Variants in LRRFIP2 observed in about 807,000 individuals in gnomAD.
The protein encoded by LRRFIP2 is leucine-rich repeat flightless-interacting protein 2.
LRRFIP2 carries 109 observed loss-of-function variants against 125.9 expected under a neutral mutation model. The ratio of observed to expected loss-of-function variants is 0.87; its 90% CI spans 0.74 to 1.01. The LOEUF (loss-of-function observed/expected upper bound fraction) is 1.01, where lower values mean the gene tolerates loss of function less well. Among genes scored for constraint, LRRFIP2 ranks in the 50% least tolerant of loss-of-function variants. The pLI, the probability that LRRFIP2 is intolerant of heterozygous loss-of-function variation, is 0.00. For missense variants in LRRFIP2, 850 were observed against 862.3 expected (o/e 0.99, Z 0.18); for synonymous variants, 291 against 293.1 (o/e 0.99, Z 0.07).
chr3:37,125,373 T>A lies in LRRFIP2; in HGVS notation c.228+2257A>T, dbSNP rs183138286. On this transcript the variant is annotated intron_variant, in intron 4 of 27. Coordinates refer to ENST00000336686, the MANE Select transcript of LRRFIP2 (RefSeq NM_006309.4). ...TTTAAAAATAGAATCATTGGGTTCA[T>A]GGAAAGTTGACTAAACTAACACTAA... Among the ~76,000 whole-genome samples, 40 of 152,336 alleles carry A rather than the reference T, an allele frequency of 2.6e-4. No individual in the cohort carries two copies. The East Asian group carries it at 7.7e-3, about 29-fold the overall frequency.
At chr3:37,083,500 G>C (rs2092805016) in intron 19 of LRRFIP2, 136 bp downstream of exon 19, 1 of 541,764 alleles carries the variant, frequency 1.8e-6, no homozygotes, top group Admixed American at 3.9e-5. Flanking sequence ...ATCTCATGGT[G>C]TTCTGTCAAT....
chr3:37,162,997 A>C (rs1009372982), intron 1 of LRRFIP2, among the ~76,000 whole-genome samples: 1 of 152,260 alleles, frequency 6.6e-6, no homozygotes, highest in African/African-American at 2.4e-5. Flanking sequence ...AAGCAAAACC[A>C]CATAGAGCAA....
chr3:37,075,047 G>A lies in LRRFIP2; in HGVS notation c.1348C>T (p.Arg450Trp), dbSNP rs144038552. 108 of 1,611,738 alleles carry A rather than the reference G, an allele frequency of 6.7e-5. No homozygotes were observed. In the Admixed American group the frequency reaches 8.7e-4, roughly 13 times the overall value. Residue 450 changes from arginine (R) to tryptophan (W), a missense_variant, in exon 20 of 28, where the codon CGG (arginine) becomes TGG (tryptophan). Transcript: ENST00000336686. ...ACCTCAATAAGCTCATCTCTTTGCC[G>A]CAGGCCTTCTTTAAGTTCTTCCATC... ...HKMEELKEGL[R>W]QRDELIEEKQ...
intron 14 of LRRFIP2, among the ~76,000 whole-genome samples, chr3:37,103,536 C>T (rs950178169): frequency 2.0e-5 from 3 of 152,088 alleles, no homozygotes; most frequent in South Asian, 4.1e-4. Context: ...TAAACTATAC[C>T]GGCCTCTTTT....
intron 19 of LRRFIP2, 42 bp from the exon 20 acceptor site, chr3:37,075,158 C>T (rs1213339354): frequency 1.4e-6 from 2 of 1,419,690 alleles, no homozygotes; most frequent in East Asian, 2.3e-5. Flanking sequence ...GGTCATGGCA[C>T]ACAAGAAATT....
chr3:37,091,429 T>C (rs761087132), intron 18 of LRRFIP2, 38 bp downstream of exon 18: 39 of 1,549,252 alleles, frequency 2.5e-5, no homozygotes, highest in Non-Finnish European at 3.2e-5. Flanking sequence ...CACTTCTGCA[T>C]ACAGAGCATG....
chr3:37,103,947 AT>A (rs199612650), intron 14 of LRRFIP2, among the ~76,000 whole-genome samples: 155 of 151,462 alleles, frequency 1.0e-3, no homozygotes, highest in African/African-American at 2.7e-3. Flanking sequence ...AAAATAAGTG[AT>A]TTTTTTTTAA....
chr3:37,090,078 C>T (rs1468962633), intron 18 of LRRFIP2, among the ~76,000 whole-genome samples: 1 of 152,132 alleles, frequency 6.6e-6, no homozygotes, highest in Non-Finnish European at 1.5e-5. Flanking sequence ...CTGATAGTGG[C>T]GCTACTTCAA....
At chr3:37,098,325 C>T (rs748029617) in intron 15 of LRRFIP2, among the ~76,000 whole-genome samples, 1 of 150,904 alleles carries the variant, frequency 6.6e-6, no homozygotes, top group Non-Finnish European at 1.5e-5. Flanking sequence ...ATGTGTACAA[C>T]GTGCAGGTTT....
intron 18 of LRRFIP2, among the ~76,000 whole-genome samples, chr3:37,089,145 CTTAAA>C (rs1336494109): frequency 6.6e-6 from 1 of 151,984 alleles, no homozygotes; most frequent in East Asian, 1.9e-4. Context: ...TAACTCTGTA[CTTAAA>C]TTTAATAAAG....
intron 1 of LRRFIP2, among the ~76,000 whole-genome samples, chr3:37,165,455 T>C (rs2096456797): frequency 7.2e-6 from 1 of 138,474 alleles, no homozygotes; most frequent in Admixed American, 8.2e-5. Flanking sequence ...CCTTATACCA[T>C]ATAGAAAAGT....
At chr3:37,151,743 G>A (rs957937832) in intron 1 of LRRFIP2, among the ~76,000 whole-genome samples, 8 of 151,980 alleles carry the variant, frequency 5.3e-5, no homozygotes, top group African/African-American at 7.2e-5. Context: ...AACTACAGGC[G>A]TATGCCACCA....
intron 19 of LRRFIP2, among the ~76,000 whole-genome samples, chr3:37,076,841 G>A (rs985252809): frequency 1.3e-5 from 2 of 152,100 alleles, no homozygotes; most frequent in African/African-American, 4.8e-5. Context: ...ACTCCAGCCT[G>A]GGCAACAGGA....
chr3:37,085,149 T>G lies in LRRFIP2; in HGVS notation c.1108-1343A>C, dbSNP rs529580624. The stretch of plus-strand genomic sequence containing the variant: ...TGTAAGAGCTAAAACAATAAAACGC[T>G]TCAAAGAAAATATGGACAAATCTTC... On this transcript the variant is annotated intron_variant, in intron 18 of 27. Transcript: ENST00000336686. 7.2e-5 allele frequency among the ~76,000 whole-genome samples: 11 copies of G among 152,282 alleles called. No individual in the cohort carries two copies. In the South Asian group the frequency reaches 1.0e-3, roughly 14 times the overall value.
intron 7 of LRRFIP2, 147 bp from the exon 8 acceptor site, chr3:37,113,127 A>G: frequency 2.1e-6 from 1 of 483,356 alleles, no homozygotes; most frequent in Non-Finnish European, 3.8e-6. Context: ...GTTAGTAAAC[A>G]ATTCACTGCA....
intron 1 of LRRFIP2, among the ~76,000 whole-genome samples, chr3:37,155,744 A>G (rs1214848875): frequency 1.3e-5 from 2 of 152,234 alleles, no homozygotes; most frequent in African/African-American, 4.8e-5. Flanking sequence ...TGCATGCTAA[A>G]ATATTTAGGG....
At chr3:37,114,781 C>T (rs1365963467) in intron 7 of LRRFIP2, among the ~76,000 whole-genome samples, 1 of 150,312 alleles carries the variant, frequency 6.7e-6, no homozygotes, top group Admixed American at 6.7e-5. Context: ...AGAGAGGGAC[C>T]CCATCTTTAA....
intron 16 of LRRFIP2, 39 bp downstream of exon 16, chr3:37,096,577 T>A: frequency 7.7e-7 from 1 of 1,305,580 alleles, no homozygotes; most frequent in Non-Finnish European, 1.1e-6. Context: ...GCAAGTTTAA[T>A]TGACCTTGAG....
At chr3:37,093,207 T>A (rs748996868) in intron 17 of LRRFIP2, 4 of 153,168 alleles carry the variant, frequency 2.6e-5, no homozygotes, top group Non-Finnish European at 5.9e-5. Context: ...ATCAATTACT[T>A]GTAAACATTA....
Sources: allele counts gnomAD v4.1 joint callset (sites outside exome capture counted in the v4.1 genomes callset), GRCh38; gene constraint gnomAD v4.1.1; transcripts MANE v1.5; gene names NCBI Gene and HGNC (gene_info 2026-07-23, HGNC 2026-07-21).